The following LPP variants were observed in gnomAD, a reference collection of about 807,000 sequenced individuals.
LPP encodes the protein lipoma-preferred partner.
A neutral mutation model predicts 60.4 loss-of-function variants in LPP; 38 were observed. That is an observed-to-expected ratio of 0.63 (90% CI 0.49 to 0.83). LPP has a LOEUF of 0.83. Ranked by LOEUF, LPP falls within the 40% of genes least tolerant of loss-of-function variation. LPP has a pLI of 0.00. For synonymous variants in LPP, 328 were observed against 290.8 expected, an observed-to-expected ratio of 1.13 and a Z score of -1.30; for missense variants, 902 against 783.6, an observed-to-expected ratio of 1.15 and a Z score of -1.80.
chr3:188,504,686 A>G lies in LPP; in HGVS notation c.307-19979A>G, dbSNP rs576185693. Reference sequence around the variant, plus strand: ...GGTCTTAAGTATTTTCTGAGCCTGCATGTTTCCCTGGTTATGTGCCATGAC... The same window carrying G: ...GGTCTTAAGTATTTTCTGAGCCTGCGTGTTTCCCTGGTTATGTGCCATGAC... On this transcript the variant is annotated intron_variant, in intron 5 of 11. Transcript: ENST00000617246. 8.2e-4 allele frequency among the ~76,000 whole-genome samples: 125 copies of G among 151,564 alleles called. 1 individual carries two copies. The highest frequency in any genetic ancestry group is 1.8e-4 in the Non-Finnish European group (12 of 67,900).
intron 2 of LPP, among the ~76,000 whole-genome samples, chr3:188,324,614 C>T (rs1560249383): frequency 6.6e-6 from 1 of 152,196 alleles, no homozygotes; most frequent in Non-Finnish European, 1.5e-5. Flanking sequence ...GCTATCATTA[C>T]TTCTTTTGAA....
rs373739871 is a variant in LPP at position 188,609,654 on chromosome 3, G to A, written c.923G>A (p.Gly308Glu). 4.4e-5 allele frequency: 71 copies of A among 1,613,998 alleles called. 1 individual carries two copies. The highest frequency in any genetic ancestry group is 1.6e-4 in the Middle Eastern group (1 of 6,080). ...EGYYAAGPGY[G>E]GRNDSDPTYG... ...TACTATGCAGCAGGGCCAGGCTATG[G>A]GGGCAGAAATGACTCTGACCCTACC... Residue 308 changes from glycine to glutamate, a missense_variant, in exon 7 of 12, where the codon GGG becomes GAG. Physicochemically the swap from Gly to Glu is moderately conservative, Grantham distance 98. Transcript: ENST00000617246. The surrounding 1 kb of genome is among the most constrained non-coding windows in gnomAD (Gnocchi z 6.9).
chr3:188,371,085 A>G (rs1022831942), intron 3 of LPP, among the ~76,000 whole-genome samples: 2 of 152,068 alleles, frequency 1.3e-5, no homozygotes, highest in Non-Finnish European at 2.9e-5. Flanking sequence ...AACATCTTCA[A>G]TTTCCGACTT....
intron 3 of LPP, among the ~76,000 whole-genome samples, chr3:188,383,729 G>A (rs1777485480): frequency 6.6e-6 from 1 of 152,052 alleles, no homozygotes; most frequent in African/African-American, 2.4e-5. Flanking sequence ...AATATATGCA[G>A]AATAATTTAC....
chr3:188,795,953 C>T lies in LPP; in HGVS notation c.1410+35671C>T, dbSNP rs929620892. Among the ~76,000 whole-genome samples, 74 of 152,146 alleles carry T rather than the reference C, an allele frequency of 4.9e-4. 1 individual carries two copies. Among genetic ancestry groups the T allele is most frequent in the African/African-American group, 1.7e-3 (70 of 41,484 alleles). Reference sequence around the variant, plus strand: ...CTCCTTGTTGACAGTTGGTGGGGTGCGCCTTATTTTTGAAGAAGAAAATGC... The same window carrying T: ...CTCCTTGTTGACAGTTGGTGGGGTGTGCCTTATTTTTGAAGAAGAAAATGC... On this transcript the variant is annotated intron_variant, in intron 9 of 11. Transcript: ENST00000617246.
chr3:188,204,628 A>G (rs767669048), intron 1 of LPP, among the ~76,000 whole-genome samples: 1 of 152,152 alleles, frequency 6.6e-6, no homozygotes, highest in African/African-American at 2.4e-5. Flanking sequence ...GGGGGAAGGT[A>G]GGATTGTTTT....
chr3:188,425,743 T>A (rs1448886250), intron 4 of LPP, among the ~76,000 whole-genome samples: 1 of 152,220 alleles, frequency 6.6e-6, no homozygotes, highest in Non-Finnish European at 1.5e-5. Context: ...CATATAGGTG[T>A]TTATGGTATT....
At chr3:188,454,906 C>G (rs1240881573) in intron 4 of LPP, among the ~76,000 whole-genome samples, 1 of 152,158 alleles carries the variant, frequency 6.6e-6, no homozygotes, top group Non-Finnish European at 1.5e-5. Context: ...AAAGCCATGA[C>G]TAGAATAAAC....
At position 188,822,119 on chromosome 3, in the gene LPP, G is replaced by A. The variant is rs150794152; in HGVS notation, c.1411-44081G>A. Reference sequence around the variant, plus strand: ...CAGGTTTCAGAAGCATGGGACCTTGGCACCGAAAGGGTCTCTACTAGCTAA... The same window carrying A: ...CAGGTTTCAGAAGCATGGGACCTTGACACCGAAAGGGTCTCTACTAGCTAA... On this transcript the variant is annotated intron_variant, in intron 9 of 11. Coordinates refer to ENST00000617246, the MANE Select transcript of LPP (RefSeq NM_001375462.1). Among the ~76,000 whole-genome samples, 370 of 152,196 alleles carry A rather than the reference G, an allele frequency of 2.4e-3. 1 individual carries two copies. Among genetic ancestry groups the A allele is most frequent in the African/African-American group, 8.5e-3 (354 of 41,530 alleles).
intron 7 of LPP, among the ~76,000 whole-genome samples, chr3:188,700,710 G>C (rs529531079): frequency 2.0e-5 from 3 of 152,176 alleles, no homozygotes; most frequent in Non-Finnish European, 4.4e-5. Context: ...TGAAGTTCTG[G>C]ATGTTTCAGG....
At chr3:188,745,711 G>T (rs1011405923) in intron 8 of LPP, among the ~76,000 whole-genome samples, 3 of 152,152 alleles carry the variant, frequency 2.0e-5, no homozygotes, top group Non-Finnish European at 2.9e-5. Context: ...TGAGGAAGCT[G>T]ATGGGATAGA....
chr3:188,800,246 C>CTTTTTTTTTT (rs33982362), intron 9 of LPP, among the ~76,000 whole-genome samples: 5 of 97,310 alleles, frequency 5.1e-5, no homozygotes, highest in Non-Finnish European at 9.4e-5. Flanking sequence ...TTGAAGCTTT[C>CTTTTTTTTTT]TTTTTTTTTT....
rs533498407 is a variant in LPP, at chr3:188,501,809, C to T, written c.306+17105C>T. 5.9e-5 allele frequency among the ~76,000 whole-genome samples: 9 copies of T among 151,762 alleles called. No homozygotes were observed. The South Asian group carries it at 1.0e-3, about 18-fold the overall frequency. On this transcript the variant is annotated intron_variant, in intron 5 of 11. Transcript: ENST00000617246. Reference sequence around the variant, plus strand: ...GTGGGCACCTGTAATCCCAGCTACTCGGGAGGCTGAGGCAGGAGAATCGCT... The same window carrying T: ...GTGGGCACCTGTAATCCCAGCTACTTGGGAGGCTGAGGCAGGAGAATCGCT...
chr3:188,737,856 A>T (rs1723061976), intron 8 of LPP, among the ~76,000 whole-genome samples: 1 of 152,170 alleles, frequency 6.6e-6, no homozygotes. Flanking sequence ...AGTTGAGAAA[A>T]ATCTGTGCTG....
At chr3:188,648,219 C>T (rs932715881) in intron 7 of LPP, among the ~76,000 whole-genome samples, 3 of 152,190 alleles carry the variant, frequency 2.0e-5, no homozygotes, top group Non-Finnish European at 2.9e-5. Flanking sequence ...TTAGAAAAAA[C>T]GAGCCATCAT....
At chr3:188,273,698 C>T (rs569608771) in intron 2 of LPP, among the ~76,000 whole-genome samples, 9 of 140,670 alleles carry the variant, frequency 6.4e-5, no homozygotes, top group East Asian at 4.3e-4. Flanking sequence ...TGGGTTCAAG[C>T]GATTCTCGTG....
Position 188,876,547 on chromosome 3 carries a change from G to A in LPP, c.*2068G>A. On this transcript the variant is annotated 3_prime_UTR_variant, in exon 12 of 12. Coordinates refer to ENST00000617246, the MANE Select transcript of LPP (RefSeq NM_001375462.1). The stretch of plus-strand genomic sequence containing the variant: ...TCTCTGAATTCCTGTCTTCCAAATT[G>A]AAGCCAGACCATGCTGATGACCTCA... The A allele has an allele frequency of 4.9e-6, 1 of 205,040 alleles. No homozygotes were observed. Among genetic ancestry groups the A allele is most frequent in the Non-Finnish European group, 1.0e-5 (1 of 100,000 alleles). 12.7% of individuals were successfully genotyped at this position (205,040 alleles called of 1,614,324 possible).
intron 8 of LPP, among the ~76,000 whole-genome samples, chr3:188,746,913 G>A (rs951286558): frequency 3.9e-5 from 6 of 152,134 alleles, no homozygotes; most frequent in African/African-American, 1.2e-4. Context: ...TTGAAGGGCT[G>A]CCCAGAAACC....
chr3:188,782,918 C>T (rs1238826228), intron 9 of LPP, among the ~76,000 whole-genome samples: 2 of 152,070 alleles, frequency 1.3e-5, no homozygotes, highest in South Asian at 2.1e-4. Context: ...CAAGGGATGC[C>T]CTGGCCTCAT....
Sources: allele counts gnomAD v4.1 joint callset (sites outside exome capture counted in the v4.1 genomes callset), GRCh38; gene constraint gnomAD v4.1.1; non-coding constraint Gnocchi (gnomAD v3.1); transcripts MANE v1.5; gene names NCBI Gene and HGNC (gene_info 2026-07-23, HGNC 2026-07-21).